The following PARD3 variants were observed in gnomAD, a reference collection of about 807,000 sequenced individuals.
PARD3 encodes par-3 family cell polarity regulator.
A neutral mutation model predicts 155.4 loss-of-function variants in PARD3; 75 were observed. The ratio of observed to expected loss-of-function variants is 0.48; its 90% CI spans 0.40 to 0.58. PARD3 has a LOEUF of 0.58. Ranked by LOEUF, PARD3 falls within the 20% of genes least tolerant of loss-of-function variation. The probability of loss-of-function intolerance (pLI) is 0.00; values close to 1 mark genes in which losing one functional copy is unlikely to be tolerated. For synonymous variants in PARD3, 576 were observed against 610.5 expected (o/e 0.94, Z 0.83); for missense variants, 1,642 against 1,721.7 (o/e 0.95, Z 0.82).
chr10:34,506,377 G>A (rs2081062710), intron 3 of PARD3, among the ~76,000 whole-genome samples: 1 of 152,076 alleles, frequency 6.6e-6, no homozygotes, highest in Non-Finnish European at 1.5e-5. Context: ...TAAACATCAG[G>A]AAGGTGAACT....
At chr10:34,261,061 GA>G (rs2133804068) in intron 22 of PARD3, among the ~76,000 whole-genome samples, 1 of 152,252 alleles carries the variant, frequency 6.6e-6, no homozygotes, top group African/African-American at 2.4e-5. Flanking sequence ...CAAGCAGGGG[GA>G]GTCTAGCCTA....
chr10:34,445,804 C>T (rs1339524732), intron 5 of PARD3, among the ~76,000 whole-genome samples: 1 of 151,668 alleles, frequency 6.6e-6, no homozygotes, highest in Non-Finnish European at 1.5e-5. Flanking sequence ...AAAAAAAGTC[C>T]TATTTAGCTT....
At chr10:34,341,955 T>G in intron 15 of PARD3, 139 bp from the exon 16 acceptor site, 1 of 542,858 alleles carries the variant, frequency 1.8e-6, no homozygotes, top group South Asian at 2.8e-5. Flanking sequence ...AAACAGAATT[T>G]AGCACATTTA....
At chr10:34,243,590 C>G (rs1438362970) in intron 22 of PARD3, among the ~76,000 whole-genome samples, 1 of 152,158 alleles carries the variant, frequency 6.6e-6, no homozygotes, top group Non-Finnish European at 1.5e-5. Context: ...GTAATCCCAG[C>G]ACTTTGGGAG....
At chr10:34,286,012 C>T (rs938757094) in intron 20 of PARD3, among the ~76,000 whole-genome samples, 4 of 150,866 alleles carry the variant, frequency 2.7e-5, no homozygotes, top group Admixed American at 2.0e-4. Flanking sequence ...AGAATCTGAC[C>T]ACATTTCACA....
intron 20 of PARD3, among the ~76,000 whole-genome samples, chr10:34,313,164 A>G (rs1037182900): frequency 9.9e-5 from 15 of 152,200 alleles, no homozygotes; most frequent in Non-Finnish European, 1.9e-4. Context: ...CTCCAGTATT[A>G]AATTTGAATA....
intron 22 of PARD3, among the ~76,000 whole-genome samples, chr10:34,193,436 T>C (rs927191733): frequency 1.3e-5 from 2 of 152,142 alleles, no homozygotes; most frequent in African/African-American, 4.8e-5. Context: ...TTAATGAATA[T>C]TGGAATAGGA....
At chr10:34,214,635 A>C (rs1453583892) in intron 22 of PARD3, among the ~76,000 whole-genome samples, 8 of 152,134 alleles carry the variant, frequency 5.3e-5, no homozygotes, top group Admixed American at 5.2e-4. Context: ...TGGGCAATGT[A>C]GCAAGACTCT....
intron 1 of PARD3, among the ~76,000 whole-genome samples, chr10:34,746,180 G>T (rs969719527): frequency 1.3e-5 from 2 of 151,946 alleles, no homozygotes; most frequent in Admixed American, 6.6e-5. Flanking sequence ...TAATTTCTTG[G>T]CTGGGCACGG....
chr10:34,430,548 T>C (rs1193157891), intron 5 of PARD3, among the ~76,000 whole-genome samples: 1 of 152,246 alleles, frequency 6.6e-6, no homozygotes, highest in Middle Eastern at 3.2e-3. Flanking sequence ...CTGATTAATA[T>C]TGAACCATAT....
In PARD3 at chr10:34,382,725, G is replaced by C; in HGVS notation, c.1214C>G (p.Ala405Gly). 1.2e-6 allele frequency: 2 copies of C among 1,614,178 alleles called. No homozygotes were observed. The highest frequency in any genetic ancestry group is 1.7e-6 in the Non-Finnish European group (2 of 1,180,028). ...NSAGLHTVQR[A>G]PRLNHPPEQI... ...CTCAGGCGGGTGGTTCAGTCGGGGTGCTCTCTGCACCGTGTGAAGCCCTGC... is the reference window on the plus strand; with the variant it reads ...CTCAGGCGGGTGGTTCAGTCGGGGTCCTCTCTGCACCGTGTGAAGCCCTGC... Residue 405 changes from alanine (A) to glycine (G), a missense_variant, in exon 9 of 25, where the codon GCA becomes GGA. Coordinates refer to ENST00000374788, the MANE Select transcript of PARD3 (RefSeq NM_001184785.2).
intron 1 of PARD3, among the ~76,000 whole-genome samples, chr10:34,726,898 C>T (rs2094724787): frequency 6.6e-6 from 1 of 152,166 alleles, no homozygotes; most frequent in African/African-American, 2.4e-5. Context: ...CCACAGAGCC[C>T]TCTATTGTCA....
At chr10:34,274,134 A>G (rs1303095711) in intron 21 of PARD3, among the ~76,000 whole-genome samples, 1 of 152,230 alleles carries the variant, frequency 6.6e-6, no homozygotes, top group South Asian at 2.1e-4. Context: ...TTAGGAAGTT[A>G]GAAATTTTTA....
At chr10:34,352,181 T>C (rs3781135) in intron 14 of PARD3, among the ~76,000 whole-genome samples, 90,378 of 152,116 alleles carry the variant, frequency 0.59, 28,873 homozygotes, top group African/African-American at 0.85. Context: ...TATTAATGTC[T>C]TTAAAATATT....
In PARD3 at chr10:34,377,875, T is replaced by C. The variant is rs1841414751; in HGVS notation, c.1539+92A>G. The C allele has an allele frequency of 2.9e-6, 3 of 1,036,366 alleles. No homozygotes were observed. The South Asian group carries it at 6.4e-5, about 22-fold the overall frequency. The allele number at this position is 1,036,366 out of a possible 1,614,324, so 64.2% of individuals were successfully genotyped here. A position where few individuals can be genotyped will look rare whatever the true frequency, so the allele number is the denominator to read the frequency against. The stretch of plus-strand genomic sequence containing the variant: ...TTCCGCTAAAATGTATATAACTGAA[T>C]TTCATATTTTATGAAAATGTTTTTA... On this transcript the variant is annotated intron_variant, in intron 10 of 24. Transcript: ENST00000374788.
chr10:34,668,790 T>C (rs778833996), intron 2 of PARD3, among the ~76,000 whole-genome samples: 3 of 152,098 alleles, frequency 2.0e-5, no homozygotes, highest in African/African-American at 4.8e-5. Context: ...CTGGGCAACA[T>C]AGCAAAACCC....
chr10:34,484,083 G>A (rs1483037783), intron 3 of PARD3, among the ~76,000 whole-genome samples: 1 of 152,092 alleles, frequency 6.6e-6, no homozygotes, highest in Non-Finnish European at 1.5e-5. Context: ...AAAATCACCA[G>A]CAAAAAGCAC....
intron 1 of PARD3, among the ~76,000 whole-genome samples, chr10:34,730,381 A>G (rs956941771): frequency 6.6e-6 from 1 of 152,202 alleles, no homozygotes; most frequent in Non-Finnish European, 1.5e-5. Context: ...CCAACTTTAA[A>G]CTGCACTGTA....
intron 22 of PARD3, among the ~76,000 whole-genome samples, chr10:34,213,764 G>A (rs149714183): frequency 1.7e-4 from 26 of 152,310 alleles, no homozygotes; most frequent in Admixed American, 3.9e-4. Flanking sequence ...AGGAGGTGAC[G>A]TGGGCAGTGC....
Sources: gnomAD v4.1 joint callset for allele counts (sites outside exome capture counted in the v4.1 genomes callset) on GRCh38, gnomAD v4.1.1 for gene constraint, MANE v1.5 for transcripts, NCBI Gene and HGNC (gene_info 2026-07-23, HGNC 2026-07-21) for gene names.